DLGAP2: variants seen among roughly 807,000 people sequenced by gnomAD.
DLGAP2 encodes the protein DLG associated protein 2.
DLGAP2 carries 26 observed loss-of-function variants against 100.3 expected under a neutral mutation model. The ratio of observed to expected loss-of-function variants is 0.26; its 90% CI spans 0.19 to 0.36. DLGAP2 has a LOEUF of 0.36. Ranked by LOEUF, DLGAP2 falls within the 10% of genes least tolerant of loss-of-function variation. DLGAP2 has a pLI of 1.00. For missense variants in DLGAP2, 1,858 were observed against 1,453.2 expected, an observed-to-expected ratio of 1.28 and a Z score of -4.53; for synonymous variants, 886 against 630.1, an observed-to-expected ratio of 1.41 and a Z score of -6.08.
chr8:1,601,418 G>T (rs921670201), intron 6 of DLGAP2, among the ~76,000 whole-genome samples: 10 of 152,220 alleles, frequency 6.6e-5, no homozygotes, highest in Admixed American at 3.3e-4. Context: ...GAGAGCTGCT[G>T]CTCTCTTCAG....
intron 1 of DLGAP2, among the ~76,000 whole-genome samples, chr8:741,688 G>A (rs1369829498): frequency 1.3e-5 from 2 of 152,170 alleles, no homozygotes; most frequent in East Asian, 1.9e-4. Context: ...TTCAGTGTAC[G>A]CTTCCCTTTC....
intron 2 of DLGAP2, among the ~76,000 whole-genome samples, chr8:913,949 G>T (rs1798540682): frequency 6.6e-6 from 1 of 152,144 alleles, no homozygotes; most frequent in South Asian, 2.1e-4. Flanking sequence ...CCTCAGACGG[G>T]TTTGCTGCCA....
intron 1 of DLGAP2, among the ~76,000 whole-genome samples, chr8:747,495 G>A (rs1253761294): frequency 1.3e-5 from 2 of 148,226 alleles, no homozygotes. Context: ...TCCAGCCGAG[G>A]GGAACGCGGA....
intron 2 of DLGAP2, among the ~76,000 whole-genome samples, chr8:1,135,503 G>GGT (rs1554490362): frequency 6.5e-5 from 6 of 92,238 alleles, no homozygotes; most frequent in East Asian, 3.8e-4. Context: ...TTTTTTGTGG[G>GGT]TTTTTTTTTT....
intron 2 of DLGAP2, among the ~76,000 whole-genome samples, chr8:1,102,158 T>C (rs1804605985): frequency 6.7e-6 from 1 of 149,718 alleles, no homozygotes. Flanking sequence ...TAATATATAT[T>C]CAAGCTTTTA....
chr8:1,369,995 C>A (rs922580978), intron 3 of DLGAP2, among the ~76,000 whole-genome samples: 2 of 152,186 alleles, frequency 1.3e-5, no homozygotes, highest in Non-Finnish European at 2.9e-5. Context: ...GGCTTCTTCA[C>A]GCAGTTGCCC....
At chr8:1,086,314 G>C (rs1392083791) in intron 2 of DLGAP2, among the ~76,000 whole-genome samples, 1 of 152,184 alleles carries the variant, frequency 6.6e-6, no homozygotes, top group East Asian at 1.9e-4. Flanking sequence ...GAAGTGGTAA[G>C]AGTGGGCATT....
intron 6 of DLGAP2, among the ~76,000 whole-genome samples, chr8:1,603,639 G>A (rs1400030686): frequency 2.6e-4 from 40 of 152,254 alleles, no homozygotes; most frequent in Admixed American, 2.6e-3. Context: ...TGGTTAGAGT[G>A]GAGGCTGGGT....
At chr8:1,544,494 C>A (rs922292064) in intron 4 of DLGAP2, among the ~76,000 whole-genome samples, 1 of 152,100 alleles carries the variant, frequency 6.6e-6, no homozygotes, top group South Asian at 2.1e-4. Context: ...GAAGTTCCCT[C>A]CAGTCCTAGT....
chr8:1,624,242 T>C (rs1797432287), intron 6 of DLGAP2, among the ~76,000 whole-genome samples: 2 of 152,090 alleles, frequency 1.3e-5, no homozygotes, highest in South Asian at 2.1e-4. Flanking sequence ...AAAGTGCCGA[T>C]TGGTAGAAAT....
chr8:979,205 C>G lies in DLGAP2; in HGVS notation c.73+71239C>G, dbSNP rs181076527. Among the ~76,000 whole-genome samples, 251 of 152,288 alleles carry G rather than the reference C, an allele frequency of 1.6e-3. 3 individuals are homozygous for G. The highest frequency in any genetic ancestry group is 4.7e-4 in the Non-Finnish European group (32 of 68,024). ...ACTTCACAAAGGAACATAATGGCAC[C>G]TAACATCTCTTCTGATGGGATTATA... On this transcript the variant is annotated intron_variant, in intron 2 of 14. Transcript: ENST00000637795.
At chr8:1,227,213 A>G (rs773744884) in intron 2 of DLGAP2, among the ~76,000 whole-genome samples, 10 of 124,782 alleles carry the variant, frequency 8.0e-5, no homozygotes, top group Non-Finnish European at 1.6e-5. Flanking sequence ...TAAGAGTGTT[A>G]TATATATATT....
intron 2 of DLGAP2, among the ~76,000 whole-genome samples, chr8:1,253,572 C>G (rs1411081476): frequency 6.6e-6 from 1 of 152,184 alleles, no homozygotes; most frequent in African/African-American, 2.4e-5. Flanking sequence ...AATAAGGCAC[C>G]TTGTGCCAGA....
At chr8:984,261 C>T (rs879555164) in intron 2 of DLGAP2, among the ~76,000 whole-genome samples, 8 of 152,284 alleles carry the variant, frequency 5.3e-5, no homozygotes, top group East Asian at 1.9e-4. Flanking sequence ...TTCTTCTATG[C>T]GAGGTGAGCT....
At chr8:1,238,584 A>G (rs1303909593) in intron 2 of DLGAP2, among the ~76,000 whole-genome samples, 1 of 66,444 alleles carries the variant, frequency 1.5e-5, no homozygotes. Flanking sequence ...CGCCGTGTCT[A>G]GTTACCTATC....
At chr8:1,196,099 C>G (rs992497404) in intron 2 of DLGAP2, among the ~76,000 whole-genome samples, 3 of 152,210 alleles carry the variant, frequency 2.0e-5, no homozygotes, top group African/African-American at 7.2e-5. Context: ...TAGGCATCAC[C>G]GATATCCAGG....
At chr8:952,192 G>A (rs1219532614) in intron 2 of DLGAP2, among the ~76,000 whole-genome samples, 1 of 152,224 alleles carries the variant, frequency 6.6e-6, no homozygotes, top group Non-Finnish European at 1.5e-5. Flanking sequence ...TTGCAGAGCT[G>A]AAAGGATGTG....
chr8:1,069,597 C>T (rs1426419765), intron 2 of DLGAP2, among the ~76,000 whole-genome samples: 2 of 152,148 alleles, frequency 1.3e-5, no homozygotes, highest in African/African-American at 4.8e-5. Flanking sequence ...ATTATCATGG[C>T]TCCCACCTCA....
intron 2 of DLGAP2, among the ~76,000 whole-genome samples, chr8:1,178,487 G>C (rs186950178): frequency 6.6e-6 from 1 of 152,146 alleles, no homozygotes; most frequent in Non-Finnish European, 1.5e-5. Context: ...TATTAAAACA[G>C]CTGAACATAA....
Sources: gnomAD v4.1 joint callset for allele counts (sites outside exome capture counted in the v4.1 genomes callset) on GRCh38, gnomAD v4.1.1 for gene constraint, MANE v1.5 for transcripts, NCBI Gene and HGNC (gene_info 2026-07-23, HGNC 2026-07-21) for gene names.